Variants in TMEM163 observed in about 807,000 individuals in gnomAD.
TMEM163 encodes the protein transmembrane protein 163.
A neutral mutation model predicts 29.3 loss-of-function variants in TMEM163; 17 were observed. The observed-to-expected ratio is 0.58, with a 90% CI of 0.40 to 0.87. TMEM163 has a LOEUF of 0.87. Among genes scored for constraint, TMEM163 ranks in the 40% least tolerant of loss-of-function variants. The pLI is 0.00. For synonymous variants in TMEM163, 157 were observed against 160.6 expected (o/e 0.98, Z 0.17); for missense variants, 303 against 381.5 (o/e 0.79, Z 1.71).
intron 2 of TMEM163, among the ~76,000 whole-genome samples, chr2:134,609,621 A>G (rs1682446408): frequency 1.3e-5 from 1 of 74,074 alleles, no homozygotes. Context: ...AAAGGAGGAC[A>G]GACCCCGAGA....
chr2:134,643,617 T>C (rs1410939540), intron 2 of TMEM163, among the ~76,000 whole-genome samples: 1 of 151,946 alleles, frequency 6.6e-6, no homozygotes, highest in African/African-American at 2.4e-5. Flanking sequence ...GCAAAATATA[T>C]TGATCACATC....
intron 2 of TMEM163, among the ~76,000 whole-genome samples, chr2:134,591,570 A>C (rs1160087279): frequency 1.3e-5 from 2 of 152,110 alleles, no homozygotes; most frequent in African/African-American, 4.8e-5. Context: ...TTAAAGATGG[A>C]GTTGCTCTGG....
At chr2:134,472,222 G>A (rs1574157641) in intron 5 of TMEM163, among the ~76,000 whole-genome samples, 1 of 152,208 alleles carries the variant, frequency 6.6e-6, no homozygotes, top group East Asian at 1.9e-4. Context: ...CATATTCAGG[G>A]GAAAGATCAA....
At chr2:134,675,888 G>A (rs1340894650) in intron 2 of TMEM163, among the ~76,000 whole-genome samples, 10 of 152,186 alleles carry the variant, frequency 6.6e-5, no homozygotes, top group Admixed American at 6.5e-4. Flanking sequence ...AGGCCCTTCA[G>A]GTCAGCACCC....
chr2:134,609,261 C>T (rs1682434963), intron 2 of TMEM163, among the ~76,000 whole-genome samples: 1 of 23,436 alleles, frequency 4.3e-5, no homozygotes, highest in Admixed American at 3.2e-4. Flanking sequence ...AGGACAGACC[C>T]CGAGAACTGT....
intron 2 of TMEM163, among the ~76,000 whole-genome samples, chr2:134,566,367 G>T (rs1198853415): frequency 6.6e-6 from 1 of 152,074 alleles, no homozygotes. Context: ...TTCGAGACCA[G>T]CCCAGCCAAT....
At position 134,456,690 on chromosome 2, in the gene TMEM163, T is replaced by G; in HGVS notation, c.*26A>C. ...CCTATGTGGAAACTCCTCATCTCGA[T>G]GGTCTCATGCGGATGCTGGCCCCCT... On this transcript the variant is annotated 3_prime_UTR_variant, in exon 8 of 8. Transcript: ENST00000281924. The G allele has an allele frequency of 6.2e-7, 1 of 1,613,566 alleles. No homozygotes were observed. Among genetic ancestry groups the G allele is most frequent in the Non-Finnish European group, 8.5e-7 (1 of 1,179,740 alleles).
chr2:134,606,443 G>A (rs576484748), intron 2 of TMEM163, among the ~76,000 whole-genome samples: 1 of 152,240 alleles, frequency 6.6e-6, no homozygotes, highest in South Asian at 2.1e-4. Flanking sequence ...CAAAGTCAAG[G>A]GCATCCTTCA....
intron 5 of TMEM163, among the ~76,000 whole-genome samples, chr2:134,501,338 A>C (rs1313256955): frequency 6.6e-6 from 1 of 152,202 alleles, no homozygotes; most frequent in Non-Finnish European, 1.5e-5. Flanking sequence ...CTGTGGGATA[A>C]TAACAGATTG....
chr2:134,674,506 C>A (rs1365909640), intron 2 of TMEM163, among the ~76,000 whole-genome samples: 2 of 31,944 alleles, frequency 6.3e-5, no homozygotes, highest in East Asian at 6.5e-4. Context: ...CGCGCGCGCG[C>A]GCGCTACCAT....
intron 4 of TMEM163, among the ~76,000 whole-genome samples, chr2:134,515,062 C>T (rs375787308): frequency 1.7e-4 from 26 of 152,312 alleles, no homozygotes; most frequent in African/African-American, 4.8e-4. Flanking sequence ...TTGAAAGGGA[C>T]GCATCTTATG....
chr2:134,627,597 A>G (rs924534580), intron 2 of TMEM163, among the ~76,000 whole-genome samples: 7 of 152,216 alleles, frequency 4.6e-5, no homozygotes, highest in African/African-American at 1.4e-4. Flanking sequence ...TAAAGACACA[A>G]TTAGCTAACT....
chr2:134,508,264 T>TA (rs2106489585), intron 4 of TMEM163, among the ~76,000 whole-genome samples: 2 of 152,338 alleles, frequency 1.3e-5, no homozygotes, highest in South Asian at 4.1e-4. Context: ...ACGATAGATC[T>TA]AAACATAAAG....
intron 5 of TMEM163, among the ~76,000 whole-genome samples, chr2:134,474,917 G>C (rs947295713): frequency 6.6e-6 from 1 of 152,038 alleles, no homozygotes; most frequent in East Asian, 1.9e-4. Flanking sequence ...TCCCCAAACC[G>C]ATCTGGATGC....
intron 2 of TMEM163, among the ~76,000 whole-genome samples, chr2:134,683,912 T>C (rs1684301750): frequency 2.6e-5 from 4 of 152,224 alleles, no homozygotes; most frequent in Admixed American, 2.6e-4. Flanking sequence ...GGACATAATA[T>C]GCCCTCAATT....
At chr2:134,572,368 C>T (rs1681451366) in intron 2 of TMEM163, among the ~76,000 whole-genome samples, 2 of 152,126 alleles carry the variant, frequency 1.3e-5, no homozygotes, top group Admixed American at 6.5e-5. Context: ...TAATTACATC[C>T]CTCACTTGAA....
chr2:134,668,635 A>G (rs867128585), intron 2 of TMEM163, among the ~76,000 whole-genome samples: 3 of 151,976 alleles, frequency 2.0e-5, no homozygotes, highest in Non-Finnish European at 2.9e-5. Context: ...CAAAAAAAAA[A>G]AAAAGAAAAG....
At chr2:134,632,909 A>ATTTTTTTT (rs57488299) in intron 2 of TMEM163, among the ~76,000 whole-genome samples, 17 of 118,600 alleles carry the variant, frequency 1.4e-4, no homozygotes, top group East Asian at 2.4e-4. Flanking sequence ...CACCCAGCTA[A>ATTTTTTTT]TTTTTTTTTT....
chr2:134,483,140 A>G (rs1226008246), intron 5 of TMEM163, among the ~76,000 whole-genome samples: 1 of 152,188 alleles, frequency 6.6e-6, no homozygotes, highest in Non-Finnish European at 1.5e-5. Context: ...TCCAAGACAT[A>G]GCCCAGCTTC....
Sources: gnomAD v4.1 joint callset for allele counts (sites outside exome capture counted in the v4.1 genomes callset) on GRCh38, gnomAD v4.1.1 for gene constraint, MANE v1.5 for transcripts, NCBI Gene and HGNC (gene_info 2026-07-23, HGNC 2026-07-21) for gene names.